Variants in A1CF observed in about 807,000 individuals in gnomAD.
A1CF encodes the protein APOBEC1 complementation factor.
A neutral mutation model predicts 68.9 loss-of-function variants in A1CF; 48 were observed. That is an observed-to-expected ratio of 0.70 (90% CI 0.55 to 0.89). A1CF has a LOEUF of 0.89. Among genes scored for constraint, A1CF ranks in the 40% least tolerant of loss-of-function variants. A1CF has a pLI of 0.00. For synonymous variants in A1CF, 272 were observed against 260.4 expected, an observed-to-expected ratio of 1.04 and a Z score of -0.43; for missense variants, 653 against 718.9, an observed-to-expected ratio of 0.91 and a Z score of 1.05.
intron 1 of A1CF, among the ~76,000 whole-genome samples, chr10:50,869,588 T>C (rs368425171): frequency 2.0e-4 from 30 of 152,254 alleles, no homozygotes; most frequent in African/African-American, 7.2e-4. Flanking sequence ...TTAGTATTGT[T>C]ATGAAAGGTA....
At chr10:50,809,746 A>G in intron 12 of A1CF, 148 bp downstream of exon 12, 1 of 1,232,142 alleles carries the variant, frequency 8.1e-7, no homozygotes, top group South Asian at 1.5e-5. Flanking sequence ...TGAGTCACTC[A>G]TTTGGGAAAC....
At chr10:50,852,940 A>G (rs1281577100) in intron 3 of A1CF, among the ~76,000 whole-genome samples, 2 of 152,204 alleles carry the variant, frequency 1.3e-5, no homozygotes, top group African/African-American at 4.8e-5. Flanking sequence ...GGGCACTCTT[A>G]GAAGAGGAAC....
chr10:50,841,782 C>A, intron 5 of A1CF, 80 bp downstream of exon 5: 1 of 1,545,348 alleles, frequency 6.5e-7, no homozygotes, highest in South Asian at 1.2e-5. Context: ...TGGCATACAC[C>A]ATATTAGATA....
chr10:50,862,486 A>ATTCTTGCCTTCACCTTTCTGATGG (rs1468972674), intron 2 of A1CF, among the ~76,000 whole-genome samples: 1 of 152,202 alleles, frequency 6.6e-6, no homozygotes, highest in Non-Finnish European at 1.5e-5. Context: ...AAACATGGAT[A>ATTCTTGCCTTCACCTTTCTGATGG]TTCTTGCCTT....
chr10:50,836,040 G>A, intron 6 of A1CF, 34 bp downstream of exon 6: 2 of 1,540,644 alleles, frequency 1.3e-6, no homozygotes, highest in African/African-American at 1.4e-5. Flanking sequence ...AGGATAGGCA[G>A]AGAAGTCTCA....
intron 1 of A1CF, among the ~76,000 whole-genome samples, chr10:50,877,980 G>C (rs1005134421): frequency 6.6e-6 from 1 of 152,190 alleles, no homozygotes; most frequent in Non-Finnish European, 1.5e-5. Flanking sequence ...AAATTAGCCA[G>C]TTGTGGTGGC....
At chr10:50,842,066 C>T in intron 4 of A1CF, 74 bp from the exon 5 acceptor site, 1 of 1,250,550 alleles carries the variant, frequency 8.0e-7, no homozygotes, top group Non-Finnish European at 1.1e-6. Context: ...TGTGCTGATA[C>T]ACACACAAAC....
intron 2 of A1CF, among the ~76,000 whole-genome samples, chr10:50,863,597 C>T (rs750974566): frequency 1.1e-4 from 16 of 152,024 alleles, no homozygotes; most frequent in Admixed American, 6.6e-4. Flanking sequence ...AAAACCAAAC[C>T]TCTCATCCCC....
Position 50,831,334 on chromosome 10 carries a change from GA to G in A1CF, c.605-3040del, listed in dbSNP as rs575004156. Among the ~76,000 whole-genome samples the G allele has an allele frequency of 7.9e-5, 12 of 152,152 alleles. 1 individual carries two copies. In the South Asian group the frequency reaches 2.5e-3, roughly 32 times the overall value. ...AGTGAAGAGATAACCTAAGGAATGG[GA>G]AAAAAATATTTACAAAGCATACATT... On this transcript the variant is annotated intron_variant, in intron 6 of 12. Transcript: ENST00000373997.
intron 7 of A1CF, among the ~76,000 whole-genome samples, chr10:50,822,075 C>T (rs562072223): frequency 1.3e-3 from 195 of 152,138 alleles, no homozygotes; most frequent in African/African-American, 4.5e-3. Flanking sequence ...TGGTATTTTA[C>T]AAATATTTGC....
At chr10:50,877,836 A>G (rs763464497) in intron 1 of A1CF, among the ~76,000 whole-genome samples, 9 of 152,176 alleles carry the variant, frequency 5.9e-5, no homozygotes, top group Non-Finnish European at 1.2e-4. Context: ...AAAAAACTGA[A>G]AGAGGGCCGG....
chr10:50,845,953 C>CAA lies in A1CF; in HGVS notation c.100-1833_100-1832dup, dbSNP rs151246598. On this transcript the variant is annotated intron_variant, in intron 3 of 12. Coordinates refer to ENST00000373997, the MANE Select transcript of A1CF (RefSeq NM_014576.4). ...TGGGTGATAGAGCAAGACTCTGTCT[C>CAA]AAAAAAAAAAAAAAAACTCCTTATT... 2.3e-3 allele frequency among the ~76,000 whole-genome samples: 260 copies of CAA among 113,108 alleles called. 1 individual carries two copies. Among genetic ancestry groups the CAA allele is most frequent in the East Asian group, 0.01 (42 of 4,032 alleles). 74.2% of individuals were successfully genotyped at this position (113,108 alleles called of 152,430 possible).
At chr10:50,863,220 G>T (rs936710140) in intron 2 of A1CF, among the ~76,000 whole-genome samples, 1 of 152,028 alleles carries the variant, frequency 6.6e-6, no homozygotes, top group African/African-American at 2.4e-5. Context: ...TTTTTATTTT[G>T]CAAAAACAAC....
At chr10:50,880,594 C>A (rs970459959) in intron 1 of A1CF, among the ~76,000 whole-genome samples, 2 of 152,120 alleles carry the variant, frequency 1.3e-5, no homozygotes, top group Admixed American at 6.5e-5. Context: ...CCCCATGGAA[C>A]CTGATTTTGA....
At chr10:50,867,208 C>G (rs1288182729) in intron 1 of A1CF, among the ~76,000 whole-genome samples, 1 of 152,054 alleles carries the variant, frequency 6.6e-6, no homozygotes, top group Non-Finnish European at 1.5e-5. Flanking sequence ...ATATCAAAAA[C>G]ATACCTGCAC....
chr10:50,873,941 A>G (rs1221575935), intron 1 of A1CF, among the ~76,000 whole-genome samples: 1 of 152,180 alleles, frequency 6.6e-6, no homozygotes, highest in South Asian at 2.1e-4. Context: ...TATAAAATGA[A>G]CAAATGATTA....
intron 2 of A1CF, among the ~76,000 whole-genome samples, chr10:50,863,816 G>A (rs559617152): frequency 1.3e-5 from 2 of 151,830 alleles, no homozygotes; most frequent in Non-Finnish European, 2.9e-5. Flanking sequence ...TAGTATAGTA[G>A]GGAAATTATA....
intron 3 of A1CF, among the ~76,000 whole-genome samples, chr10:50,847,354 C>T (rs376797843): frequency 2.6e-5 from 4 of 152,240 alleles, no homozygotes; most frequent in Admixed American, 2.6e-4. Flanking sequence ...AATCCAGTGG[C>T]TTTAATTTAC....
chr10:50,876,333 T>C (rs1589050636), intron 1 of A1CF, among the ~76,000 whole-genome samples: 1 of 152,340 alleles, frequency 6.6e-6, no homozygotes, highest in Non-Finnish European at 1.5e-5. Context: ...TCTTATAAAT[T>C]GTCCAGCCTG....
Sources: allele counts gnomAD v4.1 joint callset (sites outside exome capture counted in the v4.1 genomes callset), GRCh38; gene constraint gnomAD v4.1.1; transcripts MANE v1.5; gene names NCBI Gene and HGNC (gene_info 2026-07-23, HGNC 2026-07-21).